Variants in APCDD1 observed in about 807,000 individuals in gnomAD.
The protein encoded by APCDD1 is APC down-regulated 1, also known as protein APCDD1.
Under a neutral mutation model 38.1 loss-of-function variants are expected in APCDD1, and 15 were observed. The observed-to-expected ratio is 0.39, with a 90% CI of 0.26 to 0.61. The LOEUF (loss-of-function observed/expected upper bound fraction) is 0.61. APCDD1 is among the 20% of genes least tolerant of loss of function. The probability of loss-of-function intolerance (pLI) is 0.49; values close to 1 mark genes in which losing one functional copy is unlikely to be tolerated. For missense variants in APCDD1, 647 were observed against 696.2 expected (o/e 0.93, Z 0.79); for synonymous variants, 261 against 279.7 (o/e 0.93, Z 0.67).
chr18:10,478,335 G>A (rs1287061217), intron 3 of APCDD1, among the ~76,000 whole-genome samples: 2 of 152,246 alleles, frequency 1.3e-5, no homozygotes, highest in South Asian at 4.1e-4. Flanking sequence ...CACGGGGTCT[G>A]TACACTGAGG....
At chr18:10,456,828 G>C (rs951175320) in intron 1 of APCDD1, among the ~76,000 whole-genome samples, 1 of 152,204 alleles carries the variant, frequency 6.6e-6, no homozygotes, top group Non-Finnish European at 1.5e-5. Flanking sequence ...GGATCTGAGG[G>C]AGGAGGGCTC....
At chr18:10,480,215 A>T (rs1239311785) in intron 3 of APCDD1, among the ~76,000 whole-genome samples, 1 of 152,174 alleles carries the variant, frequency 6.6e-6, no homozygotes, top group African/African-American at 2.4e-5. Flanking sequence ...CCCAAAAAAG[A>T]GGGAATAATT....
At chr18:10,457,263 G>A (rs1367076673) in intron 1 of APCDD1, among the ~76,000 whole-genome samples, 1 of 152,138 alleles carries the variant, frequency 6.6e-6, no homozygotes, top group Non-Finnish European at 1.5e-5. Context: ...AAAAGAATGG[G>A]ATATTCTTCC....
chr18:10,462,871 C>T (rs754000637), intron 1 of APCDD1, among the ~76,000 whole-genome samples: 5 of 152,068 alleles, frequency 3.3e-5, no homozygotes, highest in Non-Finnish European at 5.9e-5. Context: ...ATTGCAGTAG[C>T]CTTATCATCG....
At position 10,472,193 on chromosome 18, in the gene APCDD1, G is replaced by A. The variant is rs909095626; in HGVS notation, c.774+132G>A. 7.7e-7 allele frequency: 1 copy of A among 1,293,694 alleles called. No homozygotes were observed. Among genetic ancestry groups the A allele is most frequent in the Non-Finnish European group, 1.1e-6 (1 of 915,424 alleles). 80.1% of individuals were successfully genotyped at this position (1,293,694 alleles called of 1,614,324 possible). On this transcript the variant is annotated intron_variant, in intron 3 of 4. Transcript: ENST00000355285. The surrounding 1 kb of genome is among the most constrained non-coding windows in gnomAD (Gnocchi z 6.6). Reference sequence around the variant, plus strand: ...TCATGGCGGGGCAGGCCAAGGTGGGGCTGCTGCGAGGTGGGAGGAGATGGG... The same window carrying A: ...TCATGGCGGGGCAGGCCAAGGTGGGACTGCTGCGAGGTGGGAGGAGATGGG...
intron 1 of APCDD1, among the ~76,000 whole-genome samples, chr18:10,458,837 T>C (rs1261320098): frequency 6.6e-6 from 1 of 152,204 alleles, no homozygotes; most frequent in Admixed American, 6.5e-5. Flanking sequence ...CAGTAGACTC[T>C]TCCCCTGGAG....
chr18:10,482,889 G>A (rs754297574), intron 3 of APCDD1, among the ~76,000 whole-genome samples: 11 of 152,196 alleles, frequency 7.2e-5, no homozygotes, highest in Non-Finnish European at 1.6e-4. Context: ...CAAAGCTACC[G>A]TACTCAGTGA....
chr18:10,486,079 C>T (rs1024679610), intron 4 of APCDD1, among the ~76,000 whole-genome samples: 22 of 152,274 alleles, frequency 1.4e-4, no homozygotes, highest in African/African-American at 2.9e-4. Context: ...TGGCCAGGTG[C>T]GGAGGCTCAT....
chr18:10,464,311 AACACACACACACACACAC>A (rs541648834), intron 1 of APCDD1, among the ~76,000 whole-genome samples: 1 of 146,996 alleles, frequency 6.8e-6, no homozygotes, highest in African/African-American at 2.5e-5. Flanking sequence ...CTTCAAAGTA[AACACACACACACACACAC>A]ACACACACAC....
In APCDD1 at chr18:10,456,302, A is replaced by G. The variant is rs181686827; in HGVS notation, c.58+1263A>G. Among the ~76,000 whole-genome samples the G allele has an allele frequency of 2.0e-3, 305 of 152,288 alleles. 1 individual carries two copies. Among genetic ancestry groups the G allele is most frequent in the African/African-American group, 7.2e-3 (298 of 41,546 alleles). ...CAGAGGGCAAAAAGAGAGAAGGTAT[A>G]ATTATAGGGTTGGACTCCTAGGCCC... On this transcript the variant is annotated intron_variant, in intron 1 of 4. Transcript: ENST00000355285.
In APCDD1 at chr18:10,487,916, G is replaced by C. The variant is rs746237007; in HGVS notation, c.1423G>C (p.Asp475His). 2 of 1,613,354 alleles carry C rather than the reference G, an allele frequency of 1.2e-6. No individual in the cohort carries two copies. The highest frequency in any genetic ancestry group is 3.3e-5 in the Admixed American group (2 of 60,016). The change falls in exon 5 of 5, where the codon GAC (aspartate) becomes CAC (histidine). Residue 475 changes from aspartate (D) to histidine (H), a missense_variant. By Grantham distance (81) the Asp-to-His change is moderately conservative. Transcript: ENST00000355285. Reference sequence around the variant, plus strand: ...TGCCTCCTCTTCGCCGAGGGCAGAGGACCTCGCAGAAGACAGTGGAAGCAG... The same window carrying C: ...TGCCTCCTCTTCGCCGAGGGCAGAGCACCTCGCAGAAGACAGTGGAAGCAG... ...QCASSSPRAEDLAEDSGSSLY... is the reference protein window; with the variant it reads ...QCASSSPRAEHLAEDSGSSLY...
chr18:10,476,003 A>T lies in APCDD1; in HGVS notation c.774+3942A>T, dbSNP rs1038940996. On this transcript the variant is annotated intron_variant, in intron 3 of 4. Transcript: ENST00000355285. The surrounding 1 kb of genome is among the most constrained non-coding windows in gnomAD (Gnocchi z 5.8). ...GACCCGGGCACCAGAAAGACTGGGC[A>T]CTGTGTGCCCACGCGGGCCCAGCCA... The T allele has an allele frequency of 1.3e-5, 2 of 152,264 alleles. No individual in the cohort carries two copies. The highest frequency in any genetic ancestry group is 4.8e-5 in the African/African-American group (2 of 41,464). 9.4% of individuals were successfully genotyped at this position (152,264 alleles called of 1,614,324 possible).
chr18:10,462,755 T>C (rs543845771), intron 1 of APCDD1, among the ~76,000 whole-genome samples: 86 of 151,376 alleles, frequency 5.7e-4, no homozygotes, highest in Admixed American at 1.1e-3. Context: ...GAGATGGTCA[T>C]TGCCTCTCCA....
At chr18:10,479,668 G>C (rs1015172444) in intron 3 of APCDD1, among the ~76,000 whole-genome samples, 1 of 152,332 alleles carries the variant, frequency 6.6e-6, no homozygotes, top group Admixed American at 6.5e-5. Context: ...CTTTGGGTTT[G>C]TAAAGTCATC....
intron 3 of APCDD1, among the ~76,000 whole-genome samples, chr18:10,481,034 G>A (rs776342394): frequency 1.3e-5 from 2 of 152,126 alleles, no homozygotes; most frequent in Non-Finnish European, 2.9e-5. Context: ...AATACAAAAC[G>A]ATCAAAACTA....
intron 3 of APCDD1, among the ~76,000 whole-genome samples, chr18:10,473,593 AC>A (rs1226409930): frequency 7.9e-5 from 12 of 152,162 alleles, no homozygotes; most frequent in African/African-American, 2.9e-4. Context: ...GGGAAAGGAG[AC>A]CAAAACTCTG....
chr18:10,454,745 CAG>C lies in APCDD1; in HGVS notation c.-232_-231del, dbSNP rs1388212549. The C allele has an allele frequency of 2.0e-5, 20 of 981,192 alleles. No individual in the cohort carries two copies. The South Asian group carries it at 6.6e-4, about 32-fold the overall frequency. 60.8% of individuals were successfully genotyped at this position (981,192 alleles called of 1,614,324 possible). ...GGCGCGGAGAAGTCGGGGCGGGCGG[CAG>C]AGAGGCCGGGACGCGGACCGGGCCG... On this transcript the variant is annotated 5_prime_UTR_variant, in exon 1 of 5. Transcript: ENST00000355285.
chr18:10,466,614 A>G (rs479771), intron 1 of APCDD1, among the ~76,000 whole-genome samples: 81,170 of 152,016 alleles, frequency 0.53, 21,982 homozygotes, highest in East Asian at 0.75. Context: ...AACTCATGTG[A>G]CTTCACCAGG....
chr18:10,463,021 CCACT>C (rs2030611553), intron 1 of APCDD1, among the ~76,000 whole-genome samples: 1 of 152,040 alleles, frequency 6.6e-6, no homozygotes, highest in African/African-American at 2.4e-5. Context: ...AGTGAAGTCC[CCACT>C]CTGCGTTAAC....
Sources: allele counts gnomAD v4.1 joint callset (sites outside exome capture counted in the v4.1 genomes callset), GRCh38; gene constraint gnomAD v4.1.1; non-coding constraint Gnocchi (gnomAD v3.1); transcripts MANE v1.5; gene names NCBI Gene and HGNC (gene_info 2026-07-23, HGNC 2026-07-21).